Variants in AEBP2 observed in about 807,000 individuals in gnomAD.
AEBP2 encodes the protein zinc finger protein AEBP2.
In AEBP2, 10 loss-of-function variants were observed where a neutral mutation model predicts 50.8. The observed-to-expected ratio is 0.20, with a 90% CI of 0.12 to 0.33. The LOEUF (loss-of-function observed/expected upper bound fraction) is 0.33, where lower values mean the gene tolerates loss of function less well. AEBP2 is among the 10% of genes least tolerant of loss of function. The probability of loss-of-function intolerance (pLI) is 1.00; values close to 1 mark genes in which losing one functional copy is unlikely to be tolerated. For synonymous variants in AEBP2, 296 were observed against 261.3 expected (o/e 1.13, Z -1.28); for missense variants, 570 against 688.0 (o/e 0.83, Z 1.92).
At position 19,512,690 on chromosome 12, in the gene AEBP2, G is replaced by A. The variant is rs537316596; in HGVS notation, c.1367+225G>A. 1.0e-3 allele frequency among the ~76,000 whole-genome samples: 152 copies of A among 151,186 alleles called. 1 individual carries two copies. Among genetic ancestry groups the A allele is most frequent in the African/African-American group, 3.5e-3 (143 of 41,208 alleles). On this transcript the variant is annotated intron_variant, in intron 6 of 7. Coordinates refer to ENST00000266508, the MANE Select transcript of AEBP2 (RefSeq NM_153207.5). The stretch of plus-strand genomic sequence containing the variant: ...CCCTCTTTTTTTTTTTGCTGGAGGC[G>A]GTGGCTCACACCTGTAATCCCAGCA...
In AEBP2 at chr12:19,520,904, C is replaced by T. The variant is rs1949387798; in HGVS notation, c.*2787C>T. On this transcript the variant is annotated 3_prime_UTR_variant, in exon 8 of 8. Coordinates refer to ENST00000266508, the MANE Select transcript of AEBP2 (RefSeq NM_153207.5). ...CTGACCTCATGTGACTGGTCATAGT[C>T]AAAACAATTAAGACTTTGTTTCATG... 4 of 152,146 alleles carry T rather than the reference C, an allele frequency of 2.6e-5. No individual in the cohort carries two copies. In the South Asian group the frequency reaches 8.3e-4, roughly 32 times the overall value. 9.4% of individuals were successfully genotyped at this position (152,146 alleles called of 1,614,324 possible). A position where few individuals can be genotyped will look rare whatever the true frequency, so the allele number is the denominator to read the frequency against.
Position 19,519,787 on chromosome 12 carries a change from CTT to C in AEBP2, c.*1672_*1673del. On this transcript the variant is annotated 3_prime_UTR_variant, in exon 8 of 8. Transcript: ENST00000266508. ...TTAAAAGTGTAAAAATTATGAGAGA[CTT>C]TATTCGTTAACAATGGGGGTAAAGA... 6.6e-6 allele frequency: 1 copy of C among 152,538 alleles called. No individual in the cohort carries two copies. The highest frequency in any genetic ancestry group is 6.5e-5 in the Admixed American group (1 of 15,296). 9.4% of individuals were successfully genotyped at this position (152,538 alleles called of 1,614,324 possible).
intron 4 of AEBP2, 42 bp from the exon 5 acceptor site, chr12:19,500,055 A>C: frequency 6.6e-7 from 1 of 1,526,634 alleles, no homozygotes; most frequent in Non-Finnish European, 8.9e-7. Flanking sequence ...TATTACTGTT[A>C]TGTTTTTCTA....
At chr12:19,436,597 T>TTTG (rs199754436), upstream of AEBP2, among the ~76,000 whole-genome samples, 590 of 146,114 alleles carry the variant, frequency 4.0e-3, 5 homozygotes, top group African/African-American at 4.8e-3. Flanking sequence ...CTTTTTTTTT[T>TTTG]GGGGGGGGGA....
At chr12:19,449,921 G>A (rs7964065) in intron 1 of AEBP2, among the ~76,000 whole-genome samples, 129,326 of 152,184 alleles carry the variant, frequency 0.85, 55,268 homozygotes, top group African/African-American at 0.93. Flanking sequence ...TTTATAGGTG[G>A]CTACAAATTA....
At chr12:19,450,667 CAA>C (rs377612745) in intron 1 of AEBP2, among the ~76,000 whole-genome samples, 2 of 119,676 alleles carry the variant, frequency 1.7e-5, no homozygotes, top group Non-Finnish European at 1.7e-5. Context: ...CCATCTCTAC[CAA>C]AAAAAAAAAA....
At chr12:19,452,469 C>T (rs1434179501) in intron 1 of AEBP2, among the ~76,000 whole-genome samples, 2 of 151,670 alleles carry the variant, frequency 1.3e-5, no homozygotes, top group Non-Finnish European at 2.9e-5. Context: ...TAGTCATAAC[C>T]TGTAACAAGC....
chr12:19,488,123 T>TA (rs1302891710), intron 3 of AEBP2, among the ~76,000 whole-genome samples: 1 of 125,966 alleles, frequency 7.9e-6, no homozygotes, highest in South Asian at 2.8e-4. Context: ...AAGAACAGAT[T>TA]AAATTTTTTT....
At chr12:19,483,725 G>A (rs190853434) in intron 3 of AEBP2, among the ~76,000 whole-genome samples, 45 of 152,240 alleles carry the variant, frequency 3.0e-4, no homozygotes, top group Non-Finnish European at 5.3e-4. Context: ...TTTCCATTGT[G>A]TAATATTAGC....
At chr12:19,406,668 C>T (rs1419248849) in intron 1 of AEBP2, among the ~76,000 whole-genome samples, 2 of 51,354 alleles carry the variant, frequency 3.9e-5, no homozygotes, top group East Asian at 6.3e-4. Context: ...GCAGCAAGAG[C>T]GAAACTCTGT....
chr12:19,462,516 C>A lies in AEBP2; in HGVS notation c.678C>A (p.Ser226Arg). 1 of 1,608,360 alleles carries A rather than the reference C, an allele frequency of 6.2e-7. No individual in the cohort carries two copies. Among genetic ancestry groups the A allele is most frequent in the Non-Finnish European group, 8.5e-7 (1 of 1,177,056 alleles). The change falls in exon 2 of 8, where the codon AGC becomes AGA. Residue 226 changes from serine to arginine, a missense_variant. This residue lies in a region of AEBP2 where 184 missense variants were observed against 351.2 expected (regional missense o/e 0.52). Coordinates refer to ENST00000266508, the MANE Select transcript of AEBP2 (RefSeq NM_153207.5). ...LSRMDSEDSISSTIMDVDSTI... is the reference protein window; with the variant it reads ...LSRMDSEDSIRSTIMDVDSTI... ...CTTTTTTCTTCTTTTGTAGCATAAG[C>A]AGTACTATAATGGATGTAGACAGCA...
chr12:19,504,721 G>C (rs1268912615), intron 5 of AEBP2, among the ~76,000 whole-genome samples: 1 of 152,050 alleles, frequency 6.6e-6, no homozygotes, highest in African/African-American at 2.4e-5. Flanking sequence ...GTTCTTCCTT[G>C]TGTTGCCAAT....
chr12:19,486,255 C>G (rs560476396), intron 3 of AEBP2, among the ~76,000 whole-genome samples: 1 of 152,156 alleles, frequency 6.6e-6, no homozygotes, highest in South Asian at 2.1e-4. Flanking sequence ...GTTCACTCAA[C>G]AAAATATCAG....
At chr12:19,493,342 A>G (rs1457437795) in intron 3 of AEBP2, among the ~76,000 whole-genome samples, 1 of 152,218 alleles carries the variant, frequency 6.6e-6, no homozygotes, top group East Asian at 1.9e-4. Context: ...CAGAGGTTGC[A>G]GTGAGCGGAG....
chr12:19,425,953 T>C (rs2095748312), intron 1 of AEBP2, among the ~76,000 whole-genome samples: 1 of 152,018 alleles, frequency 6.6e-6, no homozygotes, highest in Non-Finnish European at 1.5e-5. Flanking sequence ...GTTTTTCTTT[T>C]TGAGACAGGG....
intron 1 of AEBP2, among the ~76,000 whole-genome samples, chr12:19,443,664 A>G (rs965290457): frequency 6.6e-6 from 1 of 152,056 alleles, no homozygotes; most frequent in Non-Finnish European, 1.5e-5. Context: ...CGGAGGTTAC[A>G]GTGAGCTGAG....
intron 1 of AEBP2, chr12:19,457,467 T>C (rs1347134579): frequency 6.6e-7 from 1 of 1,514,946 alleles, no homozygotes; most frequent in African/African-American, 1.4e-5. Flanking sequence ...TTTCAGTTTA[T>C]CCAAGACCCA....
chr12:19,406,362 A>G (rs2095736276), intron 1 of AEBP2, among the ~76,000 whole-genome samples: 1 of 152,218 alleles, frequency 6.6e-6, no homozygotes, highest in Non-Finnish European at 1.5e-5. Flanking sequence ...GTATAATGAC[A>G]TGCATCATGA....
intron 6 of AEBP2, among the ~76,000 whole-genome samples, chr12:19,513,794 A>G (rs12816344): frequency 0.09 from 13,717 of 151,866 alleles, 700 homozygotes; most frequent in Middle Eastern, 0.14. Flanking sequence ...GTATATTCCT[A>G]ATGTTTTGGA....
Sources: allele counts gnomAD v4.1 joint callset (sites outside exome capture counted in the v4.1 genomes callset), GRCh38; gene constraint gnomAD v4.1.1; regional missense constraint gnomAD v4.1.1; transcripts MANE v1.5; gene names NCBI Gene and HGNC (gene_info 2026-07-23, HGNC 2026-07-21).